PPP1R12B: variants seen among roughly 807,000 people sequenced by gnomAD.
The protein encoded by PPP1R12B is myosin phosphatase target subunit 2.
In PPP1R12B, 76 loss-of-function variants were observed where a neutral mutation model predicts 126.1. The ratio of observed to expected loss-of-function variants is 0.60; its 90% CI spans 0.50 to 0.73. The LOEUF is 0.73. Ranked by LOEUF, PPP1R12B falls within the 30% of genes least tolerant of loss-of-function variation. The pLI is 0.00. For missense variants in PPP1R12B, 1,052 were observed against 1,205.1 expected (o/e 0.87, Z 1.88); for synonymous variants, 356 against 434.7 (o/e 0.82, Z 2.25).
intron 13 of PPP1R12B, 27 bp downstream of exon 13, chr1:202,449,198 T>C: frequency 6.4e-7 from 1 of 1,569,864 alleles, no homozygotes; most frequent in Non-Finnish European, 8.7e-7. Flanking sequence ...ATTTCATTTG[T>C]GGGGCTCTGC....
intron 11 of PPP1R12B, among the ~76,000 whole-genome samples, chr1:202,441,747 C>G (rs545721787): frequency 6.0e-4 from 91 of 152,244 alleles, no homozygotes; most frequent in African/African-American, 2.0e-3. Context: ...CTTTCCCCTT[C>G]TGTAGTAACT....
intron 18 of PPP1R12B, among the ~76,000 whole-genome samples, chr1:202,524,865 C>T (rs909516714): frequency 2.0e-5 from 3 of 152,048 alleles, no homozygotes; most frequent in Non-Finnish European, 4.4e-5. Flanking sequence ...ATAATGACTT[C>T]TTAGGAATCC....
intron 8 of PPP1R12B, among the ~76,000 whole-genome samples, chr1:202,431,825 A>G (rs1241252847): frequency 1.3e-5 from 2 of 152,238 alleles, no homozygotes; most frequent in Non-Finnish European, 1.5e-5. Context: ...CTGTGTAGCC[A>G]TATGATAAGG....
chr1:202,477,561 TTTTTC>T lies in PPP1R12B; in HGVS notation c.1851-10957_1851-10953del, dbSNP rs561107818. On this transcript the variant is annotated intron_variant, in intron 13 of 23. Transcript: ENST00000608999. The stretch of plus-strand genomic sequence containing the variant: ...GATGTTTTGCACAACTTCCTTTTTA[TTTTTC>T]TTTTCTTTTCTTTTTTATTTGAAAC... Among the ~76,000 whole-genome samples the T allele has an allele frequency of 4.1e-4, 62 of 152,270 alleles. 1 individual carries two copies. The highest frequency in any genetic ancestry group is 3.7e-3 in the Admixed American group (56 of 15,292).
At position 202,587,550 on chromosome 1, in the gene PPP1R12B, A is replaced by C. The variant is rs1179429558; in HGVS notation, c.*6990A>C. 3 of 152,156 alleles carry C rather than the reference A, an allele frequency of 2.0e-5. No individual in the cohort carries two copies. The highest frequency in any genetic ancestry group is 4.4e-5 in the Non-Finnish European group (3 of 68,030). The allele number at this position is 152,156 out of a possible 1,614,324, so 9.4% of individuals were successfully genotyped here. A position where few individuals can be genotyped will look rare whatever the true frequency, so the allele number is the denominator to read the frequency against. On this transcript the variant is annotated 3_prime_UTR_variant, in exon 24 of 24. Coordinates refer to ENST00000608999, the MANE Select transcript of PPP1R12B (RefSeq NM_002481.4). Reference sequence around the variant, plus strand: ...AGTGTGTCTTCCCAGCACAAACCTAATCAATCAGTGTATCAGTGCATCTGG... The same window carrying C: ...AGTGTGTCTTCCCAGCACAAACCTACTCAATCAGTGTATCAGTGCATCTGG...
intron 1 of PPP1R12B, among the ~76,000 whole-genome samples, chr1:202,399,415 C>G (rs1417718830): frequency 6.6e-6 from 1 of 151,718 alleles, no homozygotes; most frequent in Non-Finnish European, 1.5e-5. Context: ...GAGATGAGGG[C>G]TCATTTTGTT....
At chr1:202,526,990 A>G (rs1683416001) in intron 18 of PPP1R12B, among the ~76,000 whole-genome samples, 2 of 152,122 alleles carry the variant, frequency 1.3e-5, no homozygotes, top group Admixed American at 1.3e-4. Flanking sequence ...AATTAGAAAA[A>G]GTGAAAATAA....
chr1:202,362,580 G>A (rs1048552573), intron 1 of PPP1R12B, among the ~76,000 whole-genome samples: 1 of 151,368 alleles, frequency 6.6e-6, no homozygotes, highest in Non-Finnish European at 1.5e-5. Context: ...GTTTTCAGTT[G>A]AGAGTGGAGA....
rs1202858393 is a variant in PPP1R12B, at chr1:202,512,805, C to T, written c.2490+15983C>T. Among the ~76,000 whole-genome samples, 3 of 152,134 alleles carry T rather than the reference C, an allele frequency of 2.0e-5. No homozygotes were observed. The East Asian group carries it at 5.8e-4, about 29-fold the overall frequency. ...TTACTGCCTCTTCCTCTCCCTACTC[C>T]ACTTTTTAAAAACATATTCATGTTT... On this transcript the variant is annotated intron_variant, in intron 18 of 23. Transcript: ENST00000608999.
At chr1:202,564,582 A>C (rs1221284066) in intron 21 of PPP1R12B, 35 bp downstream of exon 21, 6 of 1,546,540 alleles carry the variant, frequency 3.9e-6, no homozygotes, top group Non-Finnish European at 5.3e-6. Flanking sequence ...GATGAGAACC[A>C]AGGGTTGATG....
At chr1:202,416,749 A>T (rs776066509) in intron 1 of PPP1R12B, 38 bp from the exon 2 acceptor site, 1 of 1,598,928 alleles carries the variant, frequency 6.3e-7, no homozygotes, top group South Asian at 1.1e-5. Flanking sequence ...GAACTCAATG[A>T]ATACTTGTTG....
intron 1 of PPP1R12B, among the ~76,000 whole-genome samples, chr1:202,391,072 G>C (rs1308321268): frequency 6.6e-6 from 1 of 152,048 alleles, no homozygotes; most frequent in Non-Finnish European, 1.5e-5. Flanking sequence ...CCCAAAAAAA[G>C]AAAGTGATAA....
intron 23 of PPP1R12B, chr1:202,576,238 CTG>C (rs1474828261): frequency 6.6e-6 from 1 of 152,226 alleles, no homozygotes; most frequent in African/African-American, 2.4e-5. Context: ...GCTTGGCAAA[CTG>C]GATCCTTTCC....
intron 14 of PPP1R12B, among the ~76,000 whole-genome samples, chr1:202,490,702 T>C (rs1279112455): frequency 3.3e-5 from 5 of 152,236 alleles, no homozygotes; most frequent in Admixed American, 1.3e-4. Flanking sequence ...GCTAGGAACC[T>C]CAAATAAGTA....
intron 13 of PPP1R12B, among the ~76,000 whole-genome samples, chr1:202,476,798 C>T (rs1008906836): frequency 6.6e-6 from 1 of 151,926 alleles, no homozygotes; most frequent in African/African-American, 2.4e-5. Context: ...AAATACCATT[C>T]TCTCCTCAAC....
intron 21 of PPP1R12B, 69 bp from the exon 22 acceptor site, chr1:202,567,709 A>G (rs375432651): frequency 3.7e-5 from 57 of 1,530,978 alleles, no homozygotes; most frequent in Non-Finnish European, 5.0e-5. Flanking sequence ...GTGAAGCTGA[A>G]CTAGACTGGG....
chr1:202,488,635 T>A lies in PPP1R12B; in HGVS notation c.1941+12T>A. ...GAAGGTCTACTCAAGTGAGTGTGGC[T>A]TTTTTTAAAATGTCATTTTGTGTAT... On this transcript the variant is annotated intron_variant, in intron 14 of 23. Transcript: ENST00000608999. 14 of 1,588,502 alleles carry A rather than the reference T, an allele frequency of 8.8e-6. No individual in the cohort carries two copies. Among genetic ancestry groups the A allele is most frequent in the Non-Finnish European group, 1.2e-5 (14 of 1,160,556 alleles).
At chr1:202,505,177 G>A (rs535297925) in intron 18 of PPP1R12B, among the ~76,000 whole-genome samples, 1 of 152,180 alleles carries the variant, frequency 6.6e-6, no homozygotes, top group Admixed American at 6.5e-5. Flanking sequence ...TGAGTAGAAA[G>A]GAAAGGAACA....
rs1002686670 is a variant in PPP1R12B, at chr1:202,592,165, G to A, written c.*11605G>A. 2.0e-5 allele frequency: 3 copies of A among 152,796 alleles called. No homozygotes were observed. Among genetic ancestry groups the A allele is most frequent in the Non-Finnish European group, 2.9e-5 (2 of 68,160 alleles). 9.5% of individuals were successfully genotyped at this position (152,796 alleles called of 1,614,324 possible). Reference sequence around the variant, plus strand: ...GCTTTTCAGTGAATTCAAACAGTGGGAGGAAGGGGCACACCACACACATAC... The same window carrying A: ...GCTTTTCAGTGAATTCAAACAGTGGAAGGAAGGGGCACACCACACACATAC... On this transcript the variant is annotated 3_prime_UTR_variant, in exon 24 of 24. Coordinates refer to ENST00000608999, the MANE Select transcript of PPP1R12B (RefSeq NM_002481.4).
Sources: allele counts gnomAD v4.1 joint callset (sites outside exome capture counted in the v4.1 genomes callset), GRCh38; gene constraint gnomAD v4.1.1; transcripts MANE v1.5; gene names NCBI Gene and HGNC (gene_info 2026-07-23, HGNC 2026-07-21).